Variants in TRIM38 observed in about 807,000 individuals in gnomAD.
TRIM38 encodes the protein tripartite motif containing 38.
In TRIM38, 35 loss-of-function variants were observed where a neutral mutation model predicts 35.8. That is an observed-to-expected ratio of 0.98 (90% CI 0.75 to 1.30). The LOEUF is 1.30. Among genes scored for constraint, TRIM38 ranks in the 50% most tolerant of loss-of-function variants. The pLI is 0.00. For missense variants in TRIM38, 545 were observed against 556.9 expected (o/e 0.98, Z 0.21); for synonymous variants, 198 against 204.7 (o/e 0.97, Z 0.28).
chr6:25,989,977 A>C lies in TRIM38; in HGVS notation c.*6290A>C, dbSNP rs1419396769. ...TCAAATTCACTATGTATTTGCAGAAAATGGCTTTCAATATTGTCTACTTTA... is the reference window on the plus strand; with the variant it reads ...TCAAATTCACTATGTATTTGCAGAACATGGCTTTCAATATTGTCTACTTTA... On this transcript the variant is annotated 3_prime_UTR_variant, in exon 8 of 8. Coordinates refer to ENST00000357085, the MANE Select transcript of TRIM38 (RefSeq NM_006355.5). The C allele has an allele frequency of 6.6e-6, 1 of 151,430 alleles. No individual in the cohort carries two copies. Among genetic ancestry groups the C allele is most frequent in the Non-Finnish European group, 1.5e-5 (1 of 67,948 alleles). The allele number at this position is 151,430 out of a possible 1,614,324, so 9.4% of individuals were successfully genotyped here. A position where few individuals can be genotyped will look rare whatever the true frequency, so the allele number is the denominator to read the frequency against.
At chr6:25,968,897 T>C (rs1260585752) in intron 3 of TRIM38, among the ~76,000 whole-genome samples, 1 of 152,252 alleles carries the variant, frequency 6.6e-6, no homozygotes, top group African/African-American at 2.4e-5. Context: ...GGTATTGGTT[T>C]TGCTTGGTTC....
rs745711639 is a variant in TRIM38, at chr6:25,983,270, CAGG to C, written c.984_986del (p.Arg329del). On this transcript the variant is annotated inframe_deletion, in exon 8 of 8. Coordinates refer to ENST00000357085, the MANE Select transcript of TRIM38 (RefSeq NM_006355.5). ...CCCAGGAGAATCAGGACACATCTTC[CAGG>C]AGATTTACTGCCTTCCCCTGTGTCT... is the stretch of plus-strand genomic sequence containing the variant. 4.3e-6 allele frequency: 7 copies of C among 1,614,150 alleles called. No homozygotes were observed. The highest frequency in any genetic ancestry group is 2.2e-5 in the East Asian group (1 of 44,876).
rs1163366419 is a variant in TRIM38 at position 25,984,791 on chromosome 6, T to C, written c.*1104T>C. The C allele has an allele frequency of 6.6e-6, 1 of 152,138 alleles. No individual in the cohort carries two copies. The highest frequency in any genetic ancestry group is 6.6e-5 in the Admixed American group (1 of 15,266). 9.4% of individuals were successfully genotyped at this position (152,138 alleles called of 1,614,324 possible). A position where few individuals can be genotyped will look rare whatever the true frequency, so the allele number is the denominator to read the frequency against. The stretch of plus-strand genomic sequence containing the variant: ...TACTCGTGAGGCCAAGGCAGGAGAA[T>C]TGCTTGAGCCTGCAGCAGCTGCAGT... On this transcript the variant is annotated 3_prime_UTR_variant, in exon 8 of 8. Transcript: ENST00000357085.
chr6:25,972,965 G>C, intron 5 of TRIM38, 89 bp from the exon 6 acceptor site: 1 of 1,540,570 alleles, frequency 6.5e-7, no homozygotes, highest in Non-Finnish European at 8.9e-7. Context: ...TTACTTCTTC[G>C]GGTAAAGCAA....
Position 25,991,118 on chromosome 6 carries a change from G to A in TRIM38, c.*7431G>A, listed in dbSNP as rs1269367317. The A allele has an allele frequency of 6.6e-6, 1 of 152,114 alleles. No homozygotes were observed. The highest frequency in any genetic ancestry group is 1.5e-5 in the Non-Finnish European group (1 of 68,056). 9.4% of individuals were successfully genotyped at this position (152,114 alleles called of 1,614,324 possible). ...GTCTCCTTGGGTCTCTTTTCTCCAA[G>A]ACCTAAACTCCCTGAGGACAGGACT... On this transcript the variant is annotated 3_prime_UTR_variant, in exon 8 of 8. Transcript: ENST00000357085.
rs923097513 is a variant in TRIM38 at position 25,975,158 on chromosome 6, A to G, written c.874+1873A>G. 5 of 976,270 alleles carry G rather than the reference A, an allele frequency of 5.1e-6. No individual in the cohort carries two copies. In the African/African-American group the frequency reaches 8.8e-5, roughly 17 times the overall value. The allele number at this position is 976,270 out of a possible 1,614,324, so 60.5% of individuals were successfully genotyped here. On this transcript the variant is annotated intron_variant, in intron 7 of 7. Transcript: ENST00000357085. ...GTGAAACTATTTCTTAAATGGGCTT[A>G]TCTTTTAACTAAATATTTCTCCCCT...
At chr6:25,966,254 A>C (rs563816404) in intron 2 of TRIM38, 81 bp from the exon 3 acceptor site, 1 of 384,482 alleles carries the variant, frequency 2.6e-6, no homozygotes, top group South Asian at 8.0e-5. Context: ...CTTGCTAATG[A>C]GGGCAACTTG....
Position 25,989,963 on chromosome 6 carries a change from A to G in TRIM38, c.*6276A>G, listed in dbSNP as rs1375742956. On this transcript the variant is annotated 3_prime_UTR_variant, in exon 8 of 8. Coordinates refer to ENST00000357085, the MANE Select transcript of TRIM38 (RefSeq NM_006355.5). ...AAGAAAATTACTGATCAAATTCACT[A>G]TGTATTTGCAGAAAATGGCTTTCAA... 6.6e-6 allele frequency: 1 copy of G among 150,574 alleles called. No individual in the cohort carries two copies. The highest frequency in any genetic ancestry group is 1.5e-5 in the Non-Finnish European group (1 of 67,784). 9.3% of individuals were successfully genotyped at this position (150,574 alleles called of 1,614,324 possible). A position where few individuals can be genotyped will look rare whatever the true frequency, so the allele number is the denominator to read the frequency against.
In TRIM38 at chr6:25,983,572, G is replaced by C. The variant is rs1307471344; in HGVS notation, c.1283G>C (p.Gly428Ala). 1.2e-6 allele frequency: 2 copies of C among 1,613,964 alleles called. No homozygotes were observed. The highest frequency in any genetic ancestry group is 1.7e-5 in the Admixed American group (1 of 59,996). The change falls in exon 8 of 8, where the codon GGG (glycine) becomes GCG (alanine). Residue 428 changes from glycine to alanine, a missense_variant. Transcript: ENST00000357085. Reference protein sequence around the residue: ...YEAGVVSFYNGNTGCHIFTFP... With the variant: ...YEAGVVSFYNANTGCHIFTFP... ...GCCGGAGTTGTATCCTTTTATAACG[G>C]GAATACTGGCTGCCACATCTTTACT...
At position 25,973,156 on chromosome 6, in the gene TRIM38, G is replaced by T; in HGVS notation, c.762-17G>T. The T allele has an allele frequency of 2.5e-6, 4 of 1,614,110 alleles. No homozygotes were observed. The South Asian group carries it at 3.3e-5, about 13-fold the overall frequency. On this transcript the variant is annotated splice_polypyrimidine_tract_variant and intron_variant, in intron 6 of 7. Coordinates refer to ENST00000357085, the MANE Select transcript of TRIM38 (RefSeq NM_006355.5). ...GAATGCACCTCTGAAGAAATCTCTCGCCTCTGCTTATTCTAGGAGTTGGGC... is the reference window on the plus strand; with the variant it reads ...GAATGCACCTCTGAAGAAATCTCTCTCCTCTGCTTATTCTAGGAGTTGGGC...
chr6:25,976,667 T>C (rs926946514), intron 7 of TRIM38, among the ~76,000 whole-genome samples: 1 of 152,224 alleles, frequency 6.6e-6, no homozygotes, highest in African/African-American at 2.4e-5. Context: ...AATACTACTG[T>C]GAACATTCTT....
chr6:25,966,749 A>G lies in TRIM38; in HGVS notation c.227A>G (p.Gln76Arg), dbSNP rs1191470091. The G allele has an allele frequency of 1.9e-6, 3 of 1,614,078 alleles. No homozygotes were observed. Among genetic ancestry groups the G allele is most frequent in the Non-Finnish European group, 2.5e-6 (3 of 1,180,046 alleles). Reference protein sequence around the residue: ...FHMDSLRPNKQLGSLIEALKE... With the variant: ...FHMDSLRPNKRLGSLIEALKE... The stretch of plus-strand genomic sequence containing the variant: ...ATGGATAGCCTCCGACCCAACAAGC[A>G]GCTGGGAAGCCTCATTGAAGCCCTC... The change falls in exon 3 of 8, where the codon CAG becomes CGG. Residue 76 changes from glutamine (Q) to arginine (R), a missense_variant. By Grantham distance (43) the Gln-to-Arg change is conservative. Coordinates refer to ENST00000357085, the MANE Select transcript of TRIM38 (RefSeq NM_006355.5).
chr6:25,968,449 C>T (rs924994724), intron 3 of TRIM38, among the ~76,000 whole-genome samples: 3 of 152,166 alleles, frequency 2.0e-5, no homozygotes, highest in Non-Finnish European at 4.4e-5. Context: ...TCCTCCCTCC[C>T]TAAAACACAT....
rs1760675102 is a variant in TRIM38, at chr6:25,985,101, T to C, written c.*1414T>C. On this transcript the variant is annotated 3_prime_UTR_variant, in exon 8 of 8. Transcript: ENST00000357085. ...TATGCCATCTTTGGCATAAGAAGTA[T>C]TTTGAGTTGAAGACAATTGAGAAAA... The C allele has an allele frequency of 6.6e-6, 1 of 152,184 alleles. No individual in the cohort carries two copies. Among genetic ancestry groups the C allele is most frequent in the African/African-American group, 2.4e-5 (1 of 41,434 alleles). 9.4% of individuals were successfully genotyped at this position (152,184 alleles called of 1,614,324 possible).
chr6:25,973,931 C>A lies in TRIM38; in HGVS notation c.874+646C>A, dbSNP rs184448770. The A allele has an allele frequency of 3.5e-3, 3,283 of 948,602 alleles. 16 individuals are homozygous for A. The highest frequency in any genetic ancestry group is 0.015 in the African/African-American group (853 of 56,494). The allele number at this position is 948,602 out of a possible 1,614,324, so 58.8% of individuals were successfully genotyped here. A position where few individuals can be genotyped will look rare whatever the true frequency, so the allele number is the denominator to read the frequency against. On this transcript the variant is annotated intron_variant, in intron 7 of 7. Coordinates refer to ENST00000357085, the MANE Select transcript of TRIM38 (RefSeq NM_006355.5). ...ATCCGTAAGTACAAAATCAAAAAAA[C>A]CCCTGAAAATGGAAAGTTTTATCAT...
At chr6:25,981,591 C>T (rs951505587) in intron 7 of TRIM38, among the ~76,000 whole-genome samples, 3 of 152,138 alleles carry the variant, frequency 2.0e-5, no homozygotes, top group African/African-American at 7.2e-5. Context: ...TGATTCTAGT[C>T]TGATATTTTT....
intron 4 of TRIM38, among the ~76,000 whole-genome samples, chr6:25,969,680 A>T (rs1760167545): frequency 6.6e-6 from 1 of 152,216 alleles, no homozygotes; most frequent in African/African-American, 2.4e-5. Context: ...CAGAATTAGT[A>T]TGACTATTTA....
chr6:25,983,794 T>C lies in TRIM38; in HGVS notation c.*107T>C, dbSNP rs1760639181. ...TCTTCGCTGTCATTTCCTTAGTAGTTAGACTAGTGCTGAGATTTTAGTGGA... is the reference window on the plus strand; with the variant it reads ...TCTTCGCTGTCATTTCCTTAGTAGTCAGACTAGTGCTGAGATTTTAGTGGA... On this transcript the variant is annotated 3_prime_UTR_variant, in exon 8 of 8. Transcript: ENST00000357085. 2 of 1,059,512 alleles carry C rather than the reference T, an allele frequency of 1.9e-6. No homozygotes were observed. The highest frequency in any genetic ancestry group is 2.7e-6 in the Non-Finnish European group (2 of 746,692). The allele number at this position is 1,059,512 out of a possible 1,614,324, so 65.6% of individuals were successfully genotyped here.
At position 25,983,402 on chromosome 6, in the gene TRIM38, C is replaced by A; in HGVS notation, c.1113C>A (p.Gly371=). Residue 371 remains glycine (G), a synonymous_variant, in exon 8 of 8, where the codon GGC becomes GGA. Coordinates refer to ENST00000357085, the MANE Select transcript of TRIM38 (RefSeq NM_006355.5). ...TTTGTATGGAAAATGTGCAGAGGGGCACTGGCATGAAGCAAGAGCCTCAGT... is the reference window on the plus strand; with the variant it reads ...TTTGTATGGAAAATGTGCAGAGGGGAACTGGCATGAAGCAAGAGCCTCAGT... ...LGVCMENVQR[G]TGMKQEPQSG... 1 of 1,614,080 alleles carries A rather than the reference C, an allele frequency of 6.2e-7. No individual in the cohort carries two copies. Among genetic ancestry groups the A allele is most frequent in the Non-Finnish European group, 8.5e-7 (1 of 1,180,006 alleles).
Sources: gnomAD v4.1 joint callset for allele counts (sites outside exome capture counted in the v4.1 genomes callset) on GRCh38, gnomAD v4.1.1 for gene constraint, MANE v1.5 for transcripts, NCBI Gene and HGNC (gene_info 2026-07-23, HGNC 2026-07-21) for gene names.